The following PRKG1 variants were observed in gnomAD, a reference collection of about 807,000 sequenced individuals.
PRKG1 encodes cGMP-dependent protein kinase 1.
A neutral mutation model predicts 88.1 loss-of-function variants in PRKG1; 35 were observed. That is an observed-to-expected ratio of 0.40 (90% CI 0.30 to 0.53). The LOEUF is 0.53. Ranked by LOEUF, PRKG1 falls within the 20% of genes least tolerant of loss-of-function variation. PRKG1 has a pLI of 0.59. For synonymous variants in PRKG1, 303 were observed against 292.5 expected, an observed-to-expected ratio of 1.04 and a Z score of -0.37; for missense variants, 540 against 839.8, an observed-to-expected ratio of 0.64 and a Z score of 4.41.
intron 5 of PRKG1, among the ~76,000 whole-genome samples, chr10:52,000,920 C>A (rs1199133574): frequency 6.6e-6 from 1 of 152,104 alleles, no homozygotes; most frequent in East Asian, 1.9e-4. Context: ...TCACAAGAAT[C>A]TGAAATTTGA....
chr10:51,236,869 T>A (rs1298256248), intron 2 of PRKG1, among the ~76,000 whole-genome samples: 1 of 152,082 alleles, frequency 6.6e-6, no homozygotes, highest in Non-Finnish European at 1.5e-5. Context: ...TTAACCTACA[T>A]AAAGAAGCAA....
chr10:51,079,359 ACT>A (rs1448844153), intron 1 of PRKG1, among the ~76,000 whole-genome samples: 4 of 152,244 alleles, frequency 2.6e-5, no homozygotes, highest in African/African-American at 9.6e-5. Flanking sequence ...GGTGTCAGAA[ACT>A]CATGTGGAAG....
chr10:51,483,821 A>G (rs537741665), intron 3 of PRKG1, among the ~76,000 whole-genome samples: 51 of 152,348 alleles, frequency 3.3e-4, no homozygotes, highest in African/African-American at 1.2e-3. Context: ...GGTTTCAAAC[A>G]ATCAGCAGGA....
intron 3 of PRKG1, among the ~76,000 whole-genome samples, chr10:51,585,993 G>A (rs1205777352): frequency 1.3e-5 from 2 of 152,102 alleles, no homozygotes; most frequent in Non-Finnish European, 2.9e-5. Context: ...GGTAGGGCAA[G>A]AGGACAAGGT....
chr10:51,707,107 G>T (rs1841625097), intron 3 of PRKG1, among the ~76,000 whole-genome samples: 1 of 152,124 alleles, frequency 6.6e-6, no homozygotes, highest in South Asian at 2.1e-4. Context: ...TGGTAGATTT[G>T]TAGTTGAAAT....
chr10:51,135,974 G>C (rs184426762), intron 1 of PRKG1, among the ~76,000 whole-genome samples: 3 of 147,268 alleles, frequency 2.0e-5, no homozygotes, highest in Admixed American at 1.4e-4. Flanking sequence ...GTGGGGGAAG[G>C]GGGGAGGGGG....
chr10:52,164,701 C>T (rs1429534998), intron 9 of PRKG1, among the ~76,000 whole-genome samples: 1 of 151,940 alleles, frequency 6.6e-6, no homozygotes, highest in East Asian at 1.9e-4. Flanking sequence ...TATTTGAAAC[C>T]ATTGATTTGA....
At chr10:51,154,069 G>A (rs1846144648) in intron 2 of PRKG1, among the ~76,000 whole-genome samples, 1 of 151,916 alleles carries the variant, frequency 6.6e-6, no homozygotes. Context: ...GTAAGATGGT[G>A]ACACATGAAA....
chr10:52,100,565 T>A (rs1391072945), intron 7 of PRKG1, among the ~76,000 whole-genome samples: 1 of 152,204 alleles, frequency 6.6e-6, no homozygotes, highest in Non-Finnish European at 1.5e-5. Flanking sequence ...CCCCTGAGGA[T>A]CCCTATTGAT....
At chr10:51,466,425 G>C (rs1839907016) in intron 2 of PRKG1, among the ~76,000 whole-genome samples, 1 of 151,998 alleles carries the variant, frequency 6.6e-6, no homozygotes, top group African/African-American at 2.4e-5. Flanking sequence ...CAAAAATAAT[G>C]AGGAGATTTT....
intron 5 of PRKG1, among the ~76,000 whole-genome samples, chr10:52,039,701 G>T (rs1286159497): frequency 6.6e-6 from 1 of 152,116 alleles, no homozygotes; most frequent in Non-Finnish European, 1.5e-5. Context: ...TGCAGCCTGT[G>T]TTCTTTCTGA....
At chr10:51,058,629 T>C (rs10995526) in intron 1 of PRKG1, among the ~76,000 whole-genome samples, 35,999 of 152,136 alleles carry the variant, frequency 0.24, 4,375 homozygotes, top group Admixed American at 0.27. Context: ...TTGATGTCTT[T>C]TGGTCGAACA....
chr10:52,284,696 G>T (rs1228570630), intron 14 of PRKG1, among the ~76,000 whole-genome samples: 1 of 152,026 alleles, frequency 6.6e-6, no homozygotes, highest in Non-Finnish European at 1.5e-5. Context: ...GACATTTAGA[G>T]GACTGGCTGG....
chr10:52,291,267 T>G (rs1842237229), intron 17 of PRKG1, among the ~76,000 whole-genome samples: 1 of 151,708 alleles, frequency 6.6e-6, no homozygotes, highest in Non-Finnish European at 1.5e-5. Flanking sequence ...TTTTTATTAT[T>G]ATTATACTTT....
At chr10:51,317,205 C>A (rs981063057) in intron 2 of PRKG1, among the ~76,000 whole-genome samples, 1 of 151,524 alleles carries the variant, frequency 6.6e-6, no homozygotes, top group Non-Finnish European at 1.5e-5. Flanking sequence ...ATACACCCAA[C>A]TATTGCTGAA....
chr10:51,749,203 T>A (rs899978008), intron 3 of PRKG1, among the ~76,000 whole-genome samples: 2 of 152,218 alleles, frequency 1.3e-5, no homozygotes, highest in Non-Finnish European at 2.9e-5. Context: ...ATGCCATCTA[T>A]GAGAAAATGC....
intron 8 of PRKG1, among the ~76,000 whole-genome samples, chr10:52,159,424 T>G (rs1029614400): frequency 2.0e-5 from 3 of 151,574 alleles, no homozygotes; most frequent in African/African-American, 7.2e-5. Context: ...TACTTGTCAC[T>G]GGATATGATA....
intron 3 of PRKG1, among the ~76,000 whole-genome samples, chr10:51,558,319 A>C (rs1019875789): frequency 5.9e-5 from 9 of 152,132 alleles, no homozygotes; most frequent in African/African-American, 2.2e-4. Flanking sequence ...GTGGTTAAAG[A>C]GCTAATCTTC....
At chr10:51,262,828 C>A (rs1395596341) in intron 2 of PRKG1, among the ~76,000 whole-genome samples, 1 of 152,174 alleles carries the variant, frequency 6.6e-6, no homozygotes, top group African/African-American at 2.4e-5. Flanking sequence ...AACTCACTCA[C>A]AATCACTAAA....
Sources: gnomAD v4.1 joint callset for allele counts (sites outside exome capture counted in the v4.1 genomes callset) on GRCh38, gnomAD v4.1.1 for gene constraint, MANE v1.5 for transcripts, NCBI Gene and HGNC (gene_info 2026-07-23, HGNC 2026-07-21) for gene names.